Variants in TCOF1 observed in about 807,000 individuals in gnomAD.
TCOF1 encodes the protein treacle protein.
Under a neutral mutation model 149.0 loss-of-function variants are expected in TCOF1, and 33 were observed. The observed-to-expected ratio is 0.22, with a 90% CI of 0.17 to 0.30. TCOF1 has a LOEUF of 0.30. TCOF1 is among the 10% of genes least tolerant of loss of function. The probability of loss-of-function intolerance (pLI) is 1.00; values close to 1 mark genes in which losing one functional copy is unlikely to be tolerated. For missense variants in TCOF1, 1,728 were observed against 1,840.7 expected (o/e 0.94, Z 1.12); for synonymous variants, 789 against 738.8 (o/e 1.07, Z -1.10).
Position 150,375,114 on chromosome 5 carries a change from A to T in TCOF1, c.1439A>T (p.Glu480Val). The T allele has an allele frequency of 6.2e-7, 1 of 1,614,102 alleles. No individual in the cohort carries two copies. Among genetic ancestry groups the T allele is most frequent in the Non-Finnish European group, 8.5e-7 (1 of 1,180,008 alleles). The change falls in exon 10 of 27, where the codon GAG becomes GTG. Residue 480 changes from glutamate (E) to valine (V), a missense_variant. By Grantham distance (121) the Glu-to-Val change is moderately radical. This residue lies in a region of TCOF1 where 1,696 missense variants were observed against 1,765.4 expected (regional missense o/e 0.96). Transcript: ENST00000643257. ...KQEEDSRSSSEESDSDREALA... is the reference protein window; with the variant it reads ...KQEEDSRSSSVESDSDREALA... ...GAGGAGGACTCAAGAAGCAGCAGCG[A>T]GGAGTCAGACAGTGACAGAGAGGCA...
chr5:150,396,304 C>G lies in TCOF1; in HGVS notation c.3807C>G (p.Gly1269=), dbSNP rs746941290. Residue 1269 remains glycine, a synonymous_variant, in exon 24 of 27, where the codon GGC becomes GGG. Transcript: ENST00000643257. ...PKTGGKEAAS[G]TTPQKSRKPK... Reference sequence around the variant, plus strand: ...TAGGTGGAAAAGAGGCTGCTTCAGGCACCACACCTCAGAAGTCCCGGAAGC... The same window carrying G: ...TAGGTGGAAAAGAGGCTGCTTCAGGGACCACACCTCAGAAGTCCCGGAAGC... The G allele has an allele frequency of 1.9e-6, 3 of 1,614,002 alleles. No individual in the cohort carries two copies. In the East Asian group the frequency reaches 6.7e-5, roughly 36 times the overall value.
At position 150,379,516 on chromosome 5, in the gene TCOF1, C is replaced by G. The variant is rs1189460874; in HGVS notation, c.2659-16C>G. 1.2e-6 allele frequency: 2 copies of G among 1,614,154 alleles called. No individual in the cohort carries two copies. The highest frequency in any genetic ancestry group is 8.5e-7 in the Non-Finnish European group (1 of 1,180,002). ...ACCCTCCAGGCTCTCTCCTCTCATC[C>G]TGTTTCTCCCTCCAGGTGAAGCCTT... On this transcript the variant is annotated splice_polypyrimidine_tract_variant and intron_variant, in intron 16 of 26. Coordinates refer to ENST00000643257, the MANE Select transcript of TCOF1 (RefSeq NM_001371623.1).
At chr5:150,365,245 T>TTTTC (rs1353818121) in intron 3 of TCOF1, among the ~76,000 whole-genome samples, 6 of 148,264 alleles carry the variant, frequency 4.0e-5, no homozygotes, top group South Asian at 2.1e-4. Context: ...TGGGTTTTCT[T>TTTTC]TTTCTTTCTT....
In TCOF1 at chr5:150,387,203, T is replaced by C. The variant is rs147907387; in HGVS notation, c.2860-699T>C. ...AATAAGTTGATCTACCCAGTCAGTG[T>C]CCCTATTTCCCTGATTGTCTCATGG... On this transcript the variant is annotated intron_variant, in intron 17 of 26. Transcript: ENST00000643257. 2.5e-3 allele frequency among the ~76,000 whole-genome samples: 384 copies of C among 152,354 alleles called. 2 individuals carry two copies. The highest frequency in any genetic ancestry group is 9.0e-3 in the African/African-American group (375 of 41,578).
intron 22 of TCOF1, chr5:150,393,044 G>T (rs1014643244): frequency 1.7e-6 from 1 of 597,320 alleles, no homozygotes; most frequent in Non-Finnish European, 3.0e-6. Context: ...GATTCTGGGT[G>T]ATGTCCGGAC....
intron 23 of TCOF1, among the ~76,000 whole-genome samples, chr5:150,395,120 C>T (rs1039040641): frequency 6.6e-6 from 1 of 152,178 alleles, no homozygotes; most frequent in Non-Finnish European, 1.5e-5. Context: ...CCACCTCCCC[C>T]AGCCCACCGC....
chr5:150,395,212 G>A (rs565129683), intron 23 of TCOF1, among the ~76,000 whole-genome samples: 117 of 152,350 alleles, frequency 7.7e-4, no homozygotes, highest in African/African-American at 2.6e-3. Flanking sequence ...GGCAGCCCTA[G>A]CCTCAGTGTG....
At chr5:150,372,449 G>A (rs188050003) in intron 7 of TCOF1, among the ~76,000 whole-genome samples, 1 of 152,322 alleles carries the variant, frequency 6.6e-6, no homozygotes, top group Non-Finnish European at 1.5e-5. Flanking sequence ...CTAGTAAATG[G>A]GCCGCTGTCC....
intron 17 of TCOF1, among the ~76,000 whole-genome samples, chr5:150,381,250 A>G (rs1765100503): frequency 6.6e-6 from 1 of 152,160 alleles, no homozygotes; most frequent in African/African-American, 2.4e-5. Flanking sequence ...TTCATGAGTA[A>G]AACAAGCACT....
In TCOF1 at chr5:150,375,791, C is replaced by A. The variant is rs1263640627; in HGVS notation, c.1775C>A (p.Ala592Glu). ...SSPAKGPPQK[A>E]GPVAVQVKAE... The stretch of plus-strand genomic sequence containing the variant: ...CCTGCCAAGGGGCCCCCTCAGAAGG[C>A]AGGGCCTGTAGCCGTCCAGGTCAAG... The change falls in exon 12 of 27, where the codon GCA (alanine) becomes GAA (glutamate). Residue 592 changes from alanine (A) to glutamate (E), a missense_variant. By Grantham distance (107) the Ala-to-Glu change is moderately radical. Around this residue, in one of 2 missense-constraint regions of TCOF1, gnomAD observed 1,696 missense variants for 1,765.4 expected, o/e 0.96. Transcript: ENST00000643257. The A allele has an allele frequency of 6.2e-7, 1 of 1,614,244 alleles. No homozygotes were observed. Among genetic ancestry groups the A allele is most frequent in the South Asian group, 1.1e-5 (1 of 91,092 alleles).
In TCOF1 at chr5:150,375,350, G is replaced by A; in HGVS notation, c.1500G>A (p.Leu500=). The change falls in exon 11 of 27, where the codon TTG becomes TTA. Residue 500 remains leucine, a synonymous_variant. Transcript: ENST00000643257. ...AAMNAAQVKP[L]GKSPQVKPAS... is the part of the protein sequence containing the mutation. ...TTTGTGTCTCCCAGGTGAAGCCCTT[G>A]GGGAAAAGCCCCCAGGTGAAACCTG... 4 of 1,611,548 alleles carry A rather than the reference G, an allele frequency of 2.5e-6. No individual in the cohort carries two copies. The highest frequency in any genetic ancestry group is 3.4e-6 in the Non-Finnish European group (4 of 1,179,362).
In TCOF1 at chr5:150,391,716, C is replaced by T. The variant is rs183239773; in HGVS notation, c.3297+59C>T. 534 of 1,510,770 alleles carry T rather than the reference C, an allele frequency of 3.5e-4. No individual in the cohort carries two copies. The African/African-American group carries it at 6.4e-3, about 18-fold the overall frequency. 93.6% of individuals were successfully genotyped at this position (1,510,770 alleles called of 1,614,324 possible). On this transcript the variant is annotated intron_variant, in intron 20 of 26. Coordinates refer to ENST00000643257, the MANE Select transcript of TCOF1 (RefSeq NM_001371623.1). Reference sequence around the variant, plus strand: ...GGAGCGTAGAAGGTGCAGGCGTGGCCCTGCATCGCGGCACCAGCACTCATC... The same window carrying T: ...GGAGCGTAGAAGGTGCAGGCGTGGCTCTGCATCGCGGCACCAGCACTCATC...
chr5:150,387,862 C>T (rs368045535), intron 17 of TCOF1, 40 bp from the exon 18 acceptor site: 169 of 1,613,002 alleles, frequency 1.0e-4, no homozygotes, highest in Middle Eastern at 3.3e-4. Flanking sequence ...CTGGCCAAGC[C>T]TTTAATCACT....
chr5:150,379,903 C>T (rs1764700699), intron 17 of TCOF1, 171 bp downstream of exon 17: 2 of 750,104 alleles, frequency 2.7e-6, no homozygotes, highest in South Asian at 3.0e-5. Flanking sequence ...GAAACCCCGT[C>T]TCTACTAAAA....
At chr5:150,391,204 G>A (rs957554927) in intron 19 of TCOF1, among the ~76,000 whole-genome samples, 8 of 152,122 alleles carry the variant, frequency 5.3e-5, no homozygotes, top group Non-Finnish European at 1.2e-4. Context: ...CTCAGCAAGG[G>A]GTCATGCCCA....
intron 14 of TCOF1, among the ~76,000 whole-genome samples, chr5:150,377,136 G>A (rs1763994370): frequency 6.6e-6 from 1 of 152,212 alleles, no homozygotes; most frequent in South Asian, 2.1e-4. Context: ...CAGTCTGTGC[G>A]AGGCCAGGGA....
At chr5:150,363,287 A>G (rs766393852) in intron 2 of TCOF1, among the ~76,000 whole-genome samples, 4 of 152,198 alleles carry the variant, frequency 2.6e-5, no homozygotes, top group Non-Finnish European at 4.4e-5. Flanking sequence ...AATCCTGACA[A>G]GTGGCTTTCC....
At chr5:150,391,726 G>A (rs1374368004) in intron 20 of TCOF1, 69 bp downstream of exon 20, 23 of 1,434,600 alleles carry the variant, frequency 1.6e-5, no homozygotes, top group South Asian at 4.8e-5. Flanking sequence ...CCTGCATCGC[G>A]GCACCAGCAC....
intron 4 of TCOF1, chr5:150,368,482 C>A: frequency 1.8e-6 from 1 of 567,880 alleles, no homozygotes; most frequent in Non-Finnish European, 3.2e-6. Context: ...TGCTACTTAC[C>A]ACTTAGTAAA....
Sources: allele counts gnomAD v4.1 joint callset (sites outside exome capture counted in the v4.1 genomes callset), GRCh38; gene constraint gnomAD v4.1.1; regional missense constraint gnomAD v4.1.1; transcripts MANE v1.5; gene names NCBI Gene and HGNC (gene_info 2026-07-23, HGNC 2026-07-21).